Variants in ACIN1 observed in about 807,000 individuals in gnomAD.
ACIN1 encodes apoptotic chromatin condensation inducer 1.
In ACIN1, 16 loss-of-function variants were observed where a neutral mutation model predicts 146.6. The observed-to-expected ratio is 0.11, with a 90% CI of 0.07 to 0.17. ACIN1 has a LOEUF of 0.17. Ranked by LOEUF, ACIN1 falls within the 10% of genes least tolerant of loss-of-function variation. The pLI is 1.00. For synonymous variants in ACIN1, 569 were observed against 582.7 expected (o/e 0.98, Z 0.34); for missense variants, 1,357 against 1,609.3 (o/e 0.84, Z 2.68).
intron 4 of ACIN1, among the ~76,000 whole-genome samples, chr14:23,085,138 T>C (rs1244577816): frequency 2.0e-5 from 3 of 151,550 alleles, no homozygotes; most frequent in African/African-American, 7.3e-5. Context: ...GTCAGGAGAT[T>C]AAGACCATGG....
chr14:23,061,091 T>G lies in ACIN1; in HGVS notation c.3518A>C (p.Asp1173Ala). ...ACGAAGAAGAGCACTCACCTGGCTG[T>G]CAGTCAGTGGGAGCCAATAGATGCA... ...APCIYWLPLT[D>A]SQIVQKEAER... Residue 1173 changes from aspartate to alanine, a missense_variant, in exon 18 of 19, where the codon GAC (aspartate) becomes GCC (alanine). Asp to Ala is a moderately radical substitution (Grantham distance 126). Around this residue, in one of 4 missense-constraint regions of ACIN1, gnomAD observed 509 missense variants for 719.6 expected, o/e 0.71. Coordinates refer to ENST00000605057, the MANE Select transcript of ACIN1 (RefSeq NM_001386863.1). The G allele has an allele frequency of 6.2e-7, 1 of 1,613,932 alleles. No individual in the cohort carries two copies. Among genetic ancestry groups the G allele is most frequent in the South Asian group, 1.1e-5 (1 of 91,068 alleles).
chr14:23,078,605 A>C (rs1287071999), intron 7 of ACIN1, among the ~76,000 whole-genome samples: 1 of 152,102 alleles, frequency 6.6e-6, no homozygotes, highest in Non-Finnish European at 1.5e-5. Context: ...GGAAGAATTG[A>C]CCCTGGGGGC....
intron 8 of ACIN1, among the ~76,000 whole-genome samples, chr14:23,077,098 G>A (rs1177906828): frequency 6.6e-6 from 1 of 152,132 alleles, no homozygotes; most frequent in Non-Finnish European, 1.5e-5. Flanking sequence ...ATACCCCCAG[G>A]TAAAAGCTAT....
At chr14:23,095,311 C>A, upstream of ACIN1, 1 of 1,565,242 alleles carries the variant, frequency 6.4e-7, no homozygotes, top group South Asian at 1.2e-5. Flanking sequence ...TCTTTCCATC[C>A]GCCCTGCAGC....
At position 23,079,574 on chromosome 14, in the gene ACIN1, A is replaced by AGAACGAGAACGT. The variant is rs1555373442; in HGVS notation, c.1760_1761insACGTTCTCGTTC (p.Arg586_Ser589dup). ...TTCTGCTGTTGCTTGATGCTGAACG[A>AGAACGAGAACGT]GAACGTGAACGTGACCTTGATCTGG... On this transcript the variant is annotated inframe_insertion, in exon 6 of 19. Transcript: ENST00000605057. The AGAACGAGAACGT allele has an allele frequency of 1.2e-5, 18 of 1,555,876 alleles. No homozygotes were observed. Among genetic ancestry groups the AGAACGAGAACGT allele is most frequent in the Non-Finnish European group, 1.5e-5 (17 of 1,135,322 alleles).
At chr14:23,066,133 G>C in intron 9 of ACIN1, 125 bp from the exon 10 acceptor site, 1 of 687,174 alleles carries the variant, frequency 1.5e-6, no homozygotes. Context: ...GAGAGAGAGA[G>C]ACAGAGAGAG....
At chr14:23,059,509 C>T in intron 18 of ACIN1, 35 bp from the exon 19 acceptor site, 9 of 1,566,046 alleles carry the variant, frequency 5.7e-6, no homozygotes, top group Non-Finnish European at 7.9e-6. Context: ...GAATAGGCAG[C>T]TCAGTCCTGG....
Position 23,090,629 on chromosome 14 carries a change from C to G in ACIN1, c.209G>C (p.Gly70Ala). 6.2e-7 allele frequency: 1 copy of G among 1,612,450 alleles called. No individual in the cohort carries two copies. The highest frequency in any genetic ancestry group is 8.5e-7 in the Non-Finnish European group (1 of 1,178,914). Reference sequence around the variant, plus strand: ...GAAACTGTTCTGGCTCATTTCCTCACCAATCTGTGTAGAGGAAATGAAAAC... The same window carrying G: ...GAAACTGTTCTGGCTCATTTCCTCAGCAATCTGTGTAGAGGAAATGAAAAC... ...HAAFQPNSQI[G>A]EEMSQNSFIK... Residue 70 changes from glycine to alanine, a missense_variant, in exon 3 of 19, where the codon GGT becomes GCT. Physicochemically the swap from Gly to Ala is moderately conservative, Grantham distance 60. Coordinates refer to ENST00000605057, the MANE Select transcript of ACIN1 (RefSeq NM_001386863.1).
Position 23,071,516 on chromosome 14 carries a change from G to A in ACIN1, c.2124-1899C>T, listed in dbSNP as rs372714086. On this transcript the variant is annotated intron_variant, in intron 8 of 18. Coordinates refer to ENST00000605057, the MANE Select transcript of ACIN1 (RefSeq NM_001386863.1). ...TAGTGGCTGGCTCTATTGTATTGGC[G>A]GAGCGGCAGCGATCAGCCGGAGACA... The A allele has an allele frequency of 3.5e-5, 54 of 1,551,464 alleles. 1 individual carries two copies. Among genetic ancestry groups the A allele is most frequent in the South Asian group, 1.9e-4 (16 of 84,060 alleles).
At chr14:23,069,790 G>A (rs943689616) in intron 8 of ACIN1, among the ~76,000 whole-genome samples, 173 bp from the exon 9 acceptor site, 1 of 152,182 alleles carries the variant, frequency 6.6e-6, no homozygotes, top group Non-Finnish European at 1.5e-5. Context: ...GGGAAAAGTG[G>A]GAAATAGATT....
intron 18 of ACIN1, 108 bp from the exon 19 acceptor site, chr14:23,059,582 A>G: frequency 1.2e-6 from 1 of 818,520 alleles, no homozygotes; most frequent in Middle Eastern, 2.4e-4. Context: ...TCAGTTAAAC[A>G]GGAAGGGGTT....
chr14:23,071,662 C>T, intron 8 of ACIN1: 1 of 1,193,564 alleles, frequency 8.4e-7, no homozygotes, highest in Non-Finnish European at 1.1e-6. Context: ...GGTTCTTATC[C>T]TTTGGCAGGC....
chr14:23,069,144 C>A (rs1043709182), intron 9 of ACIN1: 11 of 1,031,620 alleles, frequency 1.1e-5, no homozygotes, highest in South Asian at 8.9e-5. Flanking sequence ...AAAGGAGTTA[C>A]CACCAGGAGA....
chr14:23,073,518 C>T (rs368659361), intron 8 of ACIN1, among the ~76,000 whole-genome samples: 12 of 152,144 alleles, frequency 7.9e-5, no homozygotes, highest in Non-Finnish European at 1.3e-4. Context: ...ATTGGCTGGG[C>T]GTGGTGGTGC....
chr14:23,072,061 T>C (rs191660424), intron 8 of ACIN1, among the ~76,000 whole-genome samples: 78 of 152,290 alleles, frequency 5.1e-4, no homozygotes, highest in Non-Finnish European at 1.0e-3. Flanking sequence ...AGTCAGATGC[T>C]GCAGGTAGGG....
chr14:23,064,880 G>A (rs2047400454), intron 10 of ACIN1, among the ~76,000 whole-genome samples: 1 of 130,354 alleles, frequency 7.7e-6, no homozygotes, highest in East Asian at 2.3e-4. Flanking sequence ...CCTGGTGACA[G>A]AGCAAGACTC....
chr14:23,061,555 G>T lies in ACIN1; in HGVS notation c.3167C>A (p.Pro1056Gln). Residue 1056 changes from proline to glutamine, a missense_variant, in exon 17 of 19, where the codon CCA becomes CAA. Around this residue, in one of 4 missense-constraint regions of ACIN1, gnomAD observed 509 missense variants for 719.6 expected, o/e 0.71. Transcript: ENST00000605057. ...TGGGGGTGGGGGGTGCAGGGGCCGT[G>T]GTATTCCCTGCTCCTCTGTCTTAGT... Reference protein sequence around the residue: ...SETKTEEQGIPRPLHPPPPPP... With the variant: ...SETKTEEQGIQRPLHPPPPPP... 5 of 1,579,344 alleles carry T rather than the reference G, an allele frequency of 3.2e-6. No individual in the cohort carries two copies. Among genetic ancestry groups the T allele is most frequent in the Non-Finnish European group, 4.3e-6 (5 of 1,163,666 alleles).
Position 23,094,997 on chromosome 14 carries a change from G to A in ACIN1, c.116C>T (p.Ala39Val). 6.2e-7 allele frequency: 1 copy of A among 1,606,592 alleles called. No individual in the cohort carries two copies. The highest frequency in any genetic ancestry group is 8.5e-7 in the Non-Finnish European group (1 of 1,179,666). Residue 39 changes from alanine (A) to valine (V), a missense_variant, in exon 1 of 19, where the codon GCC (alanine) becomes GTC (valine). This residue lies in a region of ACIN1 where 55 missense variants were observed against 123.9 expected (regional missense o/e 0.44). Coordinates refer to ENST00000605057, the MANE Select transcript of ACIN1 (RefSeq NM_001386863.1). ...CACCCCTTTGAGCCGCTTGACCAGG[G>A]CACTCTTCTGCCCGCTCTTGGCTAG... ...RGLAKSGQKS[A>V]LVKRLKGALM...
chr14:23,070,889 G>A (rs556676431), intron 8 of ACIN1, among the ~76,000 whole-genome samples: 24 of 152,238 alleles, frequency 1.6e-4, no homozygotes, highest in South Asian at 6.2e-4. Context: ...AGAGAAACAC[G>A]AGATTTAGCT....
Sources: gnomAD v4.1 joint callset for allele counts (sites outside exome capture counted in the v4.1 genomes callset) on GRCh38, gnomAD v4.1.1 for gene constraint, gnomAD v4.1.1 regional missense constraint, MANE v1.5 for transcripts, NCBI Gene and HGNC (gene_info 2026-07-23, HGNC 2026-07-21) for gene names.